NREP: variants seen among roughly 807,000 people sequenced by gnomAD.
NREP encodes the protein neuronal regeneration related protein, also known as neuronal regeneration-related protein.
A neutral mutation model predicts 8.6 loss-of-function variants in NREP; 5 were observed. That is an observed-to-expected ratio of 0.58 (90% CI 0.30 to 1.22). The LOEUF (loss-of-function observed/expected upper bound fraction) is 1.22, where lower values mean the gene tolerates loss of function less well. Ranked by LOEUF, NREP falls within the 50% of genes most tolerant of loss-of-function variation. The pLI is 0.07. For missense variants in NREP, 86 were observed against 82.5 expected (o/e 1.04, Z -0.17); for synonymous variants, 27 against 28.0 (o/e 0.96, Z 0.11).
intron 2 of NREP, among the ~76,000 whole-genome samples, chr5:111,841,453 C>T (rs918492305): frequency 2.6e-5 from 4 of 152,094 alleles, no homozygotes. Context: ...GAAAGCTGGT[C>T]TCTATAGCAG....
chr5:111,909,353 G>A (rs1754854090), intron 2 of NREP, among the ~76,000 whole-genome samples: 2 of 151,994 alleles, frequency 1.3e-5, no homozygotes, highest in African/African-American at 2.4e-5. Flanking sequence ...AAGACATGCA[G>A]AACAAAACAC....
intron 2 of NREP, among the ~76,000 whole-genome samples, chr5:111,970,731 C>A (rs1479441647): frequency 7.1e-6 from 1 of 140,884 alleles, no homozygotes; most frequent in African/African-American, 2.7e-5. Context: ...GTGGCTGAGG[C>A]AGGAGAATCA....
At chr5:111,736,926 G>C (rs1185241760) in intron 2 of NREP, among the ~76,000 whole-genome samples, 2 of 152,134 alleles carry the variant, frequency 1.3e-5, no homozygotes, top group Non-Finnish European at 2.9e-5. Flanking sequence ...CTATCCTGCT[G>C]CCCTCGCATT....
intron 2 of NREP, among the ~76,000 whole-genome samples, chr5:111,848,900 C>A (rs1037933861): frequency 2.6e-5 from 4 of 152,110 alleles, no homozygotes; most frequent in Admixed American, 2.6e-4. Flanking sequence ...TTTTCATTTG[C>A]TTCAATAAAT....
chr5:111,929,277 C>T (rs1755474211), intron 2 of NREP, among the ~76,000 whole-genome samples: 1 of 152,162 alleles, frequency 6.6e-6, no homozygotes. Flanking sequence ...AAAGTGCTAT[C>T]CTACTTAAAG....
intron 2 of NREP, among the ~76,000 whole-genome samples, chr5:111,828,308 C>T (rs1021150290): frequency 6.6e-6 from 1 of 152,014 alleles, no homozygotes; most frequent in Non-Finnish European, 1.5e-5. Flanking sequence ...GGATTACAGG[C>T]GTGAGACACC....
intron 2 of NREP, among the ~76,000 whole-genome samples, chr5:111,750,539 C>G (rs3797736): frequency 0.043 from 6,498 of 152,288 alleles, 213 homozygotes; most frequent in East Asian, 0.19. Context: ...CATATTCTTG[C>G]TATTTCTGGC....
chr5:111,758,238 C>A (rs1394778914), upstream of NREP: 2 of 985,464 alleles, frequency 2.0e-6, no homozygotes, highest in Non-Finnish European at 2.4e-6. Flanking sequence ...CACGTGCACA[C>A]AGTCACACGC....
intron 3 of NREP, chr5:111,733,818 C>G (rs1275581209): frequency 2.0e-5 from 3 of 152,154 alleles, no homozygotes; most frequent in African/African-American, 7.2e-5. Context: ...GTTAATGTGC[C>G]TCGGGGTGGA....
rs1236173723 is a variant in NREP, at chr5:111,957,251, AAAT to A, written c.135+18020_135+18022del. Among the ~76,000 whole-genome samples, 3 of 151,990 alleles carry A rather than the reference AAAT, an allele frequency of 2.0e-5. No individual in the cohort carries two copies. In the East Asian group the frequency reaches 5.8e-4, roughly 29 times the overall value. ...CATCAGTTATAATTGTGATTTGATA[AAAT>A]AATAATCTTGGGCTATTTAATGGCA... On this transcript the variant is annotated intron_variant, in intron 2 of 3. Coordinates refer to the NREP transcript ENST00000395634.
At chr5:111,823,746 A>T (rs1752561883) in intron 2 of NREP, among the ~76,000 whole-genome samples, 1 of 152,202 alleles carries the variant, frequency 6.6e-6, no homozygotes, top group Non-Finnish European at 1.5e-5. Flanking sequence ...TGTTTTACAT[A>T]TCCTGGCAGA....
chr5:111,801,700 G>A (rs1024148515), intron 2 of NREP, among the ~76,000 whole-genome samples: 3 of 152,158 alleles, frequency 2.0e-5, no homozygotes, highest in Non-Finnish European at 4.4e-5. Context: ...TCCACTTACA[G>A]GTTAAATATG....
At chr5:111,865,184 A>G (rs1474614177) in intron 2 of NREP, among the ~76,000 whole-genome samples, 1 of 152,150 alleles carries the variant, frequency 6.6e-6, no homozygotes, top group African/African-American at 2.4e-5. Flanking sequence ...AGAAGCAAGT[A>G]TAAGATGCAG....
At chr5:111,898,965 T>G (rs185273924) in intron 2 of NREP, among the ~76,000 whole-genome samples, 3 of 149,206 alleles carry the variant, frequency 2.0e-5, no homozygotes, top group Admixed American at 2.0e-4. Flanking sequence ...AAAAAAAAAA[T>G]GTCAGCCAAG....
intron 2 of NREP, among the ~76,000 whole-genome samples, chr5:111,944,635 C>T (rs1230725332): frequency 1.3e-5 from 2 of 152,036 alleles, no homozygotes; most frequent in African/African-American, 4.8e-5. Context: ...TATTTGTTTC[C>T]CACAGCTAAA....
chr5:111,925,250 C>G (rs1755353142), intron 2 of NREP, among the ~76,000 whole-genome samples: 1 of 125,582 alleles, frequency 8.0e-6, no homozygotes, highest in Non-Finnish European at 1.9e-5. Context: ...ATTTGGGAGA[C>G]CAGTTCTGGA....
intron 2 of NREP, among the ~76,000 whole-genome samples, chr5:111,867,088 A>G (rs1018123557): frequency 6.6e-6 from 1 of 152,082 alleles, no homozygotes; most frequent in Non-Finnish European, 1.5e-5. Context: ...TGGCACATGT[A>G]TACATACGTA....
At position 111,777,014 on chromosome 5, in the gene NREP, TGGA is replaced by T. The variant is rs147009924; in HGVS notation, c.136-41510_136-41508del. 4.4e-3 allele frequency among the ~76,000 whole-genome samples: 550 copies of T among 125,670 alleles called. 4 individuals are homozygous for T. The highest frequency in any genetic ancestry group is 0.017 in the African/African-American group (517 of 31,148). 82.4% of individuals were successfully genotyped at this position (125,670 alleles called of 152,430 possible). On this transcript the variant is annotated intron_variant, in intron 2 of 3. Coordinates refer to the NREP transcript ENST00000395634. ...ATGAGGAGGAGGAGGAGGAAGGAGG[TGGA>T]GGAGGAGGAGGAAGGAGGTGGAGGA...
intron 2 of NREP, among the ~76,000 whole-genome samples, chr5:111,826,185 T>C (rs904279948): frequency 6.6e-6 from 1 of 152,114 alleles, no homozygotes; most frequent in Admixed American, 6.5e-5. Flanking sequence ...TGTGTCTAGC[T>C]AAAGGTTCGT....
Sources: allele counts gnomAD v4.1 joint callset (sites outside exome capture counted in the v4.1 genomes callset), GRCh38; gene constraint gnomAD v4.1.1; transcripts MANE v1.5; gene names NCBI Gene and HGNC (gene_info 2026-07-23, HGNC 2026-07-21).